The following EHD4 variants were observed in gnomAD, a reference collection of about 807,000 sequenced individuals.
The protein encoded by EHD4 is EH domain-containing protein 4.
Under a neutral mutation model 51.0 loss-of-function variants are expected in EHD4, and 37 were observed. That is an observed-to-expected ratio of 0.73 (90% CI 0.56 to 0.95). EHD4 has a LOEUF of 0.95. EHD4 is among the 40% of genes least tolerant of loss of function. The pLI is 0.00. For missense variants in EHD4, 632 were observed against 733.1 expected (o/e 0.86, Z 1.59); for synonymous variants, 297 against 317.3 (o/e 0.94, Z 0.68).
chr15:41,897,105 T>C lies in EHD4; in HGVS notation c.*3540A>G, dbSNP rs2067443810. ...TACAAAAAGAAAAAAAATAGAAGCATTGCGTATTAACTGCATTGGTTAACC... is the reference window on the plus strand; with the variant it reads ...TACAAAAAGAAAAAAAATAGAAGCACTGCGTATTAACTGCATTGGTTAACC... On this transcript the variant is annotated 3_prime_UTR_variant, in exon 6 of 6. Transcript: ENST00000220325. 2 of 152,226 alleles carry C rather than the reference T, an allele frequency of 1.3e-5. No individual in the cohort carries two copies. Among genetic ancestry groups the C allele is most frequent in the African/African-American group, 4.8e-5 (2 of 41,454 alleles). The allele number at this position is 152,226 out of a possible 1,614,324, so 9.4% of individuals were successfully genotyped here. A position where few individuals can be genotyped will look rare whatever the true frequency, so the allele number is the denominator to read the frequency against.
chr15:41,932,206 G>A (rs535523351), intron 3 of EHD4, among the ~76,000 whole-genome samples: 107 of 152,252 alleles, frequency 7.0e-4, no homozygotes, highest in African/African-American at 2.4e-3. Flanking sequence ...AGGCAGCTCC[G>A]AAGTACAGAC....
intron 5 of EHD4, among the ~76,000 whole-genome samples, chr15:41,906,827 G>A (rs879471192): frequency 1.3e-5 from 2 of 152,142 alleles, no homozygotes; most frequent in African/African-American, 2.4e-5. Context: ...TCAGCACTTG[G>A]AGTGGCTGGC....
chr15:41,938,030 C>G (rs1247487162), intron 3 of EHD4, among the ~76,000 whole-genome samples: 1 of 152,136 alleles, frequency 6.6e-6, no homozygotes, highest in South Asian at 2.1e-4. Context: ...ACACAGATGG[C>G]CTAAAGGTAA....
intron 5 of EHD4, among the ~76,000 whole-genome samples, chr15:41,906,740 G>A (rs1364404598): frequency 6.6e-6 from 1 of 152,240 alleles, no homozygotes; most frequent in Non-Finnish European, 1.5e-5. Flanking sequence ...GGGCATCCCT[G>A]CCTGGGCACT....
At chr15:41,913,004 T>A (rs946671177) in intron 4 of EHD4, among the ~76,000 whole-genome samples, 1 of 152,232 alleles carries the variant, frequency 6.6e-6, no homozygotes. Context: ...AGAATGAGTC[T>A]GGAAAACTTT....
intron 5 of EHD4, among the ~76,000 whole-genome samples, chr15:41,909,292 C>T (rs564192997): frequency 1.3e-5 from 2 of 152,334 alleles, no homozygotes; most frequent in East Asian, 3.9e-4. Flanking sequence ...AGCAAGGCTG[C>T]CTGAGCACAT....
Position 41,919,550 on chromosome 15 carries a change from T to G in EHD4, c.584A>C (p.His195Pro). 1.3e-6 allele frequency: 2 copies of G among 1,531,212 alleles called. No individual in the cohort carries two copies. The highest frequency in any genetic ancestry group is 1.3e-5 in the South Asian group (1 of 76,410). 94.9% of individuals were successfully genotyped at this position (1,531,212 alleles called of 1,614,324 possible). A position where few individuals can be genotyped will look rare whatever the true frequency, so the allele number is the denominator to read the frequency against. ...GAATTCATCTGAGATGTCCAGCTTG[T>G]GAGCGTCAAAGAGCAGGATGATCCT... The part of the protein sequence containing the change: ...VDRIILLFDA[H>P]KLDISDEFSE... Residue 195 changes from histidine to proline, a missense_variant, in exon 4 of 6, where the codon CAC becomes CCC. Coordinates refer to ENST00000220325, the MANE Select transcript of EHD4 (RefSeq NM_139265.4).
chr15:41,918,660 G>A (rs2067601728), intron 4 of EHD4, among the ~76,000 whole-genome samples: 1 of 152,190 alleles, frequency 6.6e-6, no homozygotes, highest in Non-Finnish European at 1.5e-5. Flanking sequence ...AGCCCAGAAT[G>A]AGGATGCGGG....
chr15:41,901,192 A>C lies in EHD4; in HGVS notation c.1090-11T>G. 6.5e-7 allele frequency: 1 copy of C among 1,534,770 alleles called. No homozygotes were observed. Among genetic ancestry groups the C allele is most frequent in the Middle Eastern group, 1.8e-4 (1 of 5,634 alleles). The stretch of plus-strand genomic sequence containing the variant: ...GTTCTCAAGCTGTTCCTGCAGAAGG[A>C]CAAACCACAGGATGGGTTACATGTG... On this transcript the variant is annotated splice_polypyrimidine_tract_variant and intron_variant, in intron 5 of 5. Transcript: ENST00000220325.
intron 4 of EHD4, among the ~76,000 whole-genome samples, chr15:41,912,075 C>A (rs1274832474): frequency 2.0e-5 from 3 of 152,200 alleles, no homozygotes; most frequent in Non-Finnish European, 4.4e-5. Context: ...TCGTCTCAGG[C>A]CTCATGGTGT....
At chr15:41,951,121 T>G (rs895627560) in intron 2 of EHD4, among the ~76,000 whole-genome samples, 7 of 152,220 alleles carry the variant, frequency 4.6e-5, no homozygotes, top group Admixed American at 4.6e-4. Flanking sequence ...GTCCCAGCAC[T>G]GATCTCACTG....
Position 41,972,327 on chromosome 15 carries a change from G to A in EHD4, c.168C>T (p.Ala56=), listed in dbSNP as rs1247922055. The A allele has an allele frequency of 1.2e-6, 2 of 1,611,190 alleles. No individual in the cohort carries two copies. The highest frequency in any genetic ancestry group is 3.3e-5 in the Admixed American group (2 of 59,798). Reference sequence around the variant, plus strand: ...GGATCATGGGCTTGTTCTCGAAGTCGGCGTCCTCCAGCGCAGGCGAGTGGA... The same window carrying A: ...GGATCATGGGCTTGTTCTCGAAGTCAGCGTCCTCCAGCGCAGGCGAGTGGA... ...HEFHSPALED[A]DFENKPMILL... is the part of the protein sequence containing the mutation. The change falls in exon 1 of 6, where the codon GCC becomes GCT. Residue 56 remains alanine (A), a synonymous_variant. Coordinates refer to ENST00000220325, the MANE Select transcript of EHD4 (RefSeq NM_139265.4).
chr15:41,970,369 C>T (rs1333432074), intron 1 of EHD4, among the ~76,000 whole-genome samples: 3 of 152,298 alleles, frequency 2.0e-5, no homozygotes, highest in African/African-American at 7.2e-5. Context: ...CTAGGGTGGC[C>T]CACAGCTCCA....
At chr15:41,937,104 C>G (rs548344046) in intron 3 of EHD4, among the ~76,000 whole-genome samples, 1 of 152,208 alleles carries the variant, frequency 6.6e-6, no homozygotes, top group South Asian at 2.1e-4. Context: ...TCATGATCCA[C>G]GCCTGTGGCT....
intron 4 of EHD4, among the ~76,000 whole-genome samples, chr15:41,910,326 A>G (rs762191665): frequency 1.2e-4 from 19 of 152,048 alleles, no homozygotes; most frequent in Admixed American, 7.2e-4. Context: ...GGAGGTTTAG[A>G]CTCTGAGATC....
chr15:41,911,936 C>A (rs1567244932), intron 4 of EHD4, among the ~76,000 whole-genome samples: 1 of 152,136 alleles, frequency 6.6e-6, no homozygotes, highest in Non-Finnish European at 1.5e-5. Flanking sequence ...CACTCCCTGC[C>A]GCCCACCCCC....
chr15:41,918,715 C>G (rs1225667254), intron 4 of EHD4, among the ~76,000 whole-genome samples: 1 of 152,268 alleles, frequency 6.6e-6, no homozygotes, highest in Non-Finnish European at 1.5e-5. Flanking sequence ...CTGAGCCATA[C>G]TTCTTCCCAG....
Position 41,896,001 on chromosome 15 carries a change from T to C in EHD4, c.*4644A>G, listed in dbSNP as rs1466760484. 6.6e-6 allele frequency: 1 copy of C among 152,220 alleles called. No homozygotes were observed. Among genetic ancestry groups the C allele is most frequent in the East Asian group, 1.9e-4 (1 of 5,202 alleles). The allele number at this position is 152,220 out of a possible 1,614,324, so 9.4% of individuals were successfully genotyped here. ...ATTCTTTTTTAGAGACAGGGTCTTC[T>C]TAGGTTGCCCAGGCTGGTCTTGAAC... On this transcript the variant is annotated 3_prime_UTR_variant, in exon 6 of 6. Coordinates refer to ENST00000220325, the MANE Select transcript of EHD4 (RefSeq NM_139265.4).
chr15:41,933,007 CAT>C (rs1340118304), intron 3 of EHD4, among the ~76,000 whole-genome samples: 3 of 152,224 alleles, frequency 2.0e-5, no homozygotes, highest in Non-Finnish European at 4.4e-5. Flanking sequence ...ATGGTTTACA[CAT>C]GTTATCTTCA....
Sources: allele counts gnomAD v4.1 joint callset (sites outside exome capture counted in the v4.1 genomes callset), GRCh38; gene constraint gnomAD v4.1.1; transcripts MANE v1.5; gene names NCBI Gene and HGNC (gene_info 2026-07-23, HGNC 2026-07-21).